Variants in BEND4 observed in about 807,000 individuals in gnomAD.
BEND4 encodes BEN domain containing 4, also known as BEN domain-containing protein 4.
In BEND4, 27 loss-of-function variants were observed where a neutral mutation model predicts 54.7. The ratio of observed to expected loss-of-function variants is 0.49; its 90% CI spans 0.36 to 0.68. The LOEUF (loss-of-function observed/expected upper bound fraction) is 0.68, where lower values mean the gene tolerates loss of function less well. Among genes scored for constraint, BEND4 ranks in the 30% least tolerant of loss-of-function variants. The pLI, the probability that BEND4 is intolerant of heterozygous loss-of-function variation, is 0.00. For missense variants in BEND4, 702 were observed against 697.2 expected, an observed-to-expected ratio of 1.01 and a Z score of -0.08; for synonymous variants, 327 against 299.5, an observed-to-expected ratio of 1.09 and a Z score of -0.95.
At chr4:42,120,423 A>C in intron 4 of BEND4, 129 bp from the exon 5 acceptor site, 1 of 1,171,550 alleles carries the variant, frequency 8.5e-7, no homozygotes, top group Non-Finnish European at 1.2e-6. Flanking sequence ...CAGGTATTGA[A>C]GTGCGCAAAT....
rs986106990 is a variant in BEND4, at chr4:42,115,035, G to C, written c.*2483C>G. ...AAAAGTCGTAGGAACATTTCACTCA[G>C]GCAAAAGCTGTAGGTCCGAGACCCA... On this transcript the variant is annotated 3_prime_UTR_variant, in exon 6 of 6. Transcript: ENST00000502486. 1.3e-5 allele frequency: 2 copies of C among 152,300 alleles called. No individual in the cohort carries two copies. The highest frequency in any genetic ancestry group is 6.5e-5 in the Admixed American group (1 of 15,282). 9.4% of individuals were successfully genotyped at this position (152,300 alleles called of 1,614,324 possible).
chr4:42,151,408 C>A (rs1721276211), intron 2 of BEND4: 4 of 319,914 alleles, frequency 1.3e-5, no homozygotes, highest in Non-Finnish European at 1.7e-5. Flanking sequence ...CTGCCACAGC[C>A]GTGCTTCCCG....
intron 3 of BEND4, among the ~76,000 whole-genome samples, chr4:42,130,757 T>C (rs1720478010): frequency 6.6e-6 from 1 of 152,206 alleles, no homozygotes; most frequent in Non-Finnish European, 1.5e-5. Context: ...CAAAGATACA[T>C]GCACGTGTAT....
rs1720980233 is a variant in BEND4, at chr4:42,143,834, G to C, written c.648C>G (p.His216Gln). Residue 216 changes from histidine to glutamine, a missense_variant, in exon 3 of 6, where the codon CAC (histidine) becomes CAG (glutamine). Coordinates refer to ENST00000502486, the MANE Select transcript of BEND4 (RefSeq NM_207406.4). Reference sequence around the variant, plus strand: ...TCTGACTGTGGACCCCTTTCCCAATGTGACAGTGCTCCTGTCTTTCGTTGT... The same window carrying C: ...TCTGACTGTGGACCCCTTTCCCAATCTGACAGTGCTCCTGTCTTTCGTTGT... ...SSYNERQEHC[H>Q]IGKGVHSQTS... 1 of 1,576,448 alleles carries C rather than the reference G, an allele frequency of 6.3e-7. No homozygotes were observed. The highest frequency in any genetic ancestry group is 1.4e-5 in the African/African-American group (1 of 73,952).
chr4:42,152,431 T>G, intron 1 of BEND4, 55 bp from the exon 2 acceptor site: 1 of 173,466 alleles, frequency 5.8e-6, no homozygotes, highest in Admixed American at 6.3e-5. Context: ...CTGCTAATGA[T>G]AATGGGGGCG....
chr4:42,139,899 T>C (rs1720826789), intron 3 of BEND4, among the ~76,000 whole-genome samples: 1 of 152,182 alleles, frequency 6.6e-6, no homozygotes, highest in South Asian at 2.1e-4. Flanking sequence ...CCAAATTATG[T>C]AGGAGGGTTA....
In BEND4 at chr4:42,113,491, GA is replaced by G. The variant is rs1436887039; in HGVS notation, c.*4026del. 2 of 152,194 alleles carry G rather than the reference GA, an allele frequency of 1.3e-5. No homozygotes were observed. Among genetic ancestry groups the G allele is most frequent in the African/African-American group, 4.8e-5 (2 of 41,444 alleles). 9.4% of individuals were successfully genotyped at this position (152,194 alleles called of 1,614,324 possible). ...CTCCATCTGTTTTCTGAGAGCAACAGAAGGGAGGCAACAAGCCATTGAGAGC... is the reference window on the plus strand; with the variant it reads ...CTCCATCTGTTTTCTGAGAGCAACAGAGGGAGGCAACAAGCCATTGAGAGC... On this transcript the variant is annotated 3_prime_UTR_variant, in exon 6 of 6. Transcript: ENST00000502486.
At chr4:42,120,366 A>G (rs1319915011) in intron 4 of BEND4, 72 bp from the exon 5 acceptor site, 2 of 1,542,192 alleles carry the variant, frequency 1.3e-6, no homozygotes, top group Non-Finnish European at 1.8e-6. Flanking sequence ...CTCCATTTCA[A>G]AGGCAAACAT....
intron 3 of BEND4, among the ~76,000 whole-genome samples, chr4:42,135,272 G>C (rs1351148204): frequency 6.6e-6 from 1 of 152,136 alleles, no homozygotes; most frequent in Admixed American, 6.6e-5. Context: ...ATGGATCTGA[G>C]GTCCCCTACC....
chr4:42,125,770 T>C, intron 3 of BEND4, 96 bp from the exon 4 acceptor site: 2 of 750,730 alleles, frequency 2.7e-6, no homozygotes, highest in East Asian at 5.6e-5. Context: ...AACAGAGGTC[T>C]TACTGGCACC....
At chr4:42,126,222 A>C (rs1720276581) in intron 3 of BEND4, among the ~76,000 whole-genome samples, 1 of 152,238 alleles carries the variant, frequency 6.6e-6, no homozygotes, top group South Asian at 2.1e-4. Context: ...AACTTACTCC[A>C]AGATGAATTT....
At chr4:42,150,539 A>C (rs1400508164) in intron 2 of BEND4, among the ~76,000 whole-genome samples, 1 of 152,246 alleles carries the variant, frequency 6.6e-6, no homozygotes, top group East Asian at 1.9e-4. Context: ...CAGGAGAAAA[A>C]AATAAGTCTC....
chr4:42,144,980 C>T (rs1187353315), intron 2 of BEND4, among the ~76,000 whole-genome samples: 1 of 152,142 alleles, frequency 6.6e-6, no homozygotes, highest in African/African-American at 2.4e-5. Context: ...TCAGAGCTGA[C>T]ACAGAAGCAT....
rs147406283 is a variant in BEND4, at chr4:42,120,291, T to C, written c.1150A>G (p.Ser384Gly). 1 of 1,592,668 alleles carries C rather than the reference T, an allele frequency of 6.3e-7. No homozygotes were observed. The highest frequency in any genetic ancestry group is 2.3e-5 in the East Asian group (1 of 44,226). ...GGATAGTTGTTCAACAGCTGCTTGC[T>C]TCCCTGGAAAAGCGAAATATTTTCT... ...PQPADQPTEG[S>G]KQLLNNYPVY... The change falls in exon 5 of 6, where the codon AGC (serine) becomes GGC (glycine). Residue 384 changes from serine (S) to glycine (G), a missense_variant. Transcript: ENST00000502486.
chr4:42,117,316 T>C lies in BEND4; in HGVS notation c.*202A>G. ...CAGATGTAGTTTTTTCTTTTTATAA[T>C]ATAATATTCCAAAAGTCTGTTGTAG... On this transcript the variant is annotated 3_prime_UTR_variant, in exon 6 of 6. Coordinates refer to ENST00000502486, the MANE Select transcript of BEND4 (RefSeq NM_207406.4). 4.0e-6 allele frequency: 2 copies of C among 500,018 alleles called. No individual in the cohort carries two copies. Among genetic ancestry groups the C allele is most frequent in the Admixed American group, 3.8e-5 (1 of 26,446 alleles). 31.0% of individuals were successfully genotyped at this position (500,018 alleles called of 1,614,324 possible). A position where few individuals can be genotyped will look rare whatever the true frequency, so the allele number is the denominator to read the frequency against.
chr4:42,135,476 T>C (rs1720665477), intron 3 of BEND4, among the ~76,000 whole-genome samples: 2 of 152,114 alleles, frequency 1.3e-5, no homozygotes, highest in African/African-American at 4.8e-5. Flanking sequence ...ACTTTCAACA[T>C]TCCTACAGTA....
At chr4:42,129,223 T>C (rs1445926961) in intron 3 of BEND4, among the ~76,000 whole-genome samples, 1 of 151,934 alleles carries the variant, frequency 6.6e-6, no homozygotes, top group Non-Finnish European at 1.5e-5. Flanking sequence ...ACAAGGGAAG[T>C]GAAGGACCTC....
At chr4:42,145,497 T>G (rs1010762998) in intron 2 of BEND4, among the ~76,000 whole-genome samples, 3 of 151,868 alleles carry the variant, frequency 2.0e-5, no homozygotes, top group Non-Finnish European at 4.4e-5. Context: ...ATCGAGACCA[T>G]CCTGGCCAAC....
intron 3 of BEND4, among the ~76,000 whole-genome samples, chr4:42,132,040 A>G (rs1485883676): frequency 6.6e-6 from 1 of 152,242 alleles, no homozygotes; most frequent in South Asian, 2.1e-4. Context: ...TCAATCTGGA[A>G]AACGGAGACA....
Sources: allele counts gnomAD v4.1 joint callset (sites outside exome capture counted in the v4.1 genomes callset), GRCh38; gene constraint gnomAD v4.1.1; transcripts MANE v1.5; gene names NCBI Gene and HGNC (gene_info 2026-07-23, HGNC 2026-07-21).